Variants in NSFL1C observed in about 807,000 individuals in gnomAD.
NSFL1C encodes NSFL1 cofactor.
A neutral mutation model predicts 43.1 loss-of-function variants in NSFL1C; 14 were observed. That is an observed-to-expected ratio of 0.32 (90% CI 0.21 to 0.51). The LOEUF (loss-of-function observed/expected upper bound fraction) is 0.51. Among genes scored for constraint, NSFL1C ranks in the 20% least tolerant of loss-of-function variants. The pLI is 0.98. For synonymous variants in NSFL1C, 171 were observed against 183.5 expected (o/e 0.93, Z 0.55); for missense variants, 406 against 472.5 (o/e 0.86, Z 1.30).
chr20:1,466,686 G>A (rs1402140009), intron 1 of NSFL1C, 34 bp downstream of exon 1: 2 of 1,523,518 alleles, frequency 1.3e-6, no homozygotes, highest in Admixed American at 3.9e-5. Flanking sequence ...AGCAGTCCCC[G>A]GCCCACCCGA....
At chr20:1,461,047 T>C (rs758251905) in intron 2 of NSFL1C, among the ~76,000 whole-genome samples, 2 of 152,134 alleles carry the variant, frequency 1.3e-5, no homozygotes, top group African/African-American at 2.4e-5. Flanking sequence ...TTCTAAGAAT[T>C]AGCATCCTGA....
At chr20:1,454,934 C>T in intron 4 of NSFL1C, 33 bp downstream of exon 4, 1 of 1,598,564 alleles carries the variant, frequency 6.3e-7, no homozygotes, top group South Asian at 1.1e-5. Context: ...GAATCTCAGT[C>T]CTGTGGGCAC....
At chr20:1,444,914 C>T (rs1247502986) in intron 8 of NSFL1C, among the ~76,000 whole-genome samples, 1 of 152,208 alleles carries the variant, frequency 6.6e-6, no homozygotes, top group Non-Finnish European at 1.5e-5. Flanking sequence ...GGGCTTGTCT[C>T]CCGCTGTCAC....
rs1349379757 is a variant in NSFL1C, at chr20:1,455,009, C to CACAGCT, written c.396_401dup (p.Ala133_Val134dup). On this transcript the variant is annotated inframe_insertion, in exon 4 of 9. Transcript: ENST00000216879. ...CTCCAGGGCTCTTGGTCACTCGCTC[C>CACAGCT]ACAGCTACAGCTCCATGCTCTTTGG... 6.2e-7 allele frequency: 1 copy of CACAGCT among 1,614,020 alleles called. No individual in the cohort carries two copies. Among genetic ancestry groups the CACAGCT allele is most frequent in the Admixed American group, 1.7e-5 (1 of 60,002 alleles).
chr20:1,458,207 C>T lies in NSFL1C; in HGVS notation c.271G>A (p.Gly91Ser), dbSNP rs999338985. ...DQDEDEEEEE[G>S]QRFYAGGSER... ...CCCCTCTAGAAGACTCACCTCTGGC[C>T]TTCCTCTTCCTCCTCATCTTCATCT... The change falls in exon 3 of 9, where the codon GGC becomes AGC. Residue 91 changes from glycine (G) to serine (S), a missense_variant. Physicochemically the swap from Gly to Ser is moderately conservative, Grantham distance 56. Transcript: ENST00000216879. 1 of 1,613,510 alleles carries T rather than the reference C, an allele frequency of 6.2e-7. No individual in the cohort carries two copies. The highest frequency in any genetic ancestry group is 1.3e-5 in the African/African-American group (1 of 74,884).
intron 3 of NSFL1C, 65 bp from the exon 4 acceptor site, chr20:1,455,197 G>A (rs1244146443): frequency 1.3e-6 from 2 of 1,585,154 alleles, no homozygotes; most frequent in Admixed American, 1.7e-5. Flanking sequence ...CATGTGCCAG[G>A]TTGGTGCTGG....
At chr20:1,457,847 T>A in intron 3 of NSFL1C, 1 of 209,016 alleles carries the variant, frequency 4.8e-6, no homozygotes, top group Non-Finnish European at 9.7e-6. Flanking sequence ...CTTATGCTGA[T>A]CCATAACTTC....
At chr20:1,465,089 G>C (rs912379276) in intron 1 of NSFL1C, among the ~76,000 whole-genome samples, 18 of 152,136 alleles carry the variant, frequency 1.2e-4, no homozygotes, top group African/African-American at 3.6e-4. Context: ...ATGCATACTC[G>C]CATCTTAGGT....
chr20:1,458,174 C>G (rs2090340485), intron 3 of NSFL1C, 26 bp downstream of exon 3: 1 of 1,591,608 alleles, frequency 6.3e-7, no homozygotes, highest in Non-Finnish European at 8.6e-7. Context: ...GTGAACTGTC[C>G]CCCTGACCCC....
At chr20:1,453,187 C>T in intron 5 of NSFL1C, 47 bp from the exon 6 acceptor site, 1 of 1,087,902 alleles carries the variant, frequency 9.2e-7, no homozygotes. Flanking sequence ...GGCAAGCATA[C>T]CAATTTGAAC....
chr20:1,466,458 G>A (rs1230241471), intron 1 of NSFL1C, among the ~76,000 whole-genome samples: 1 of 152,212 alleles, frequency 6.6e-6, no homozygotes, highest in Non-Finnish European at 1.5e-5. Flanking sequence ...GGCTGCCGCA[G>A]CGCCCGAAGT....
At chr20:1,443,968 C>T in intron 8 of NSFL1C, 57 bp from the exon 9 acceptor site, 2 of 1,545,558 alleles carry the variant, frequency 1.3e-6, no homozygotes, top group Non-Finnish European at 1.8e-6. Flanking sequence ...ATACCCCTGC[C>T]CTGTGGAAAG....
chr20:1,456,773 A>G (rs1342253564), intron 3 of NSFL1C: 8 of 152,242 alleles, frequency 5.3e-5, no homozygotes, highest in Admixed American at 5.2e-4. Flanking sequence ...CTATCCTAAA[A>G]AAAATCTGAA....
At position 1,443,801 on chromosome 20, in the gene NSFL1C, G is replaced by T; in HGVS notation, c.1061C>A (p.Thr354Asn). ...ATTGAGCAGGTTGGCTTCCTTCAGGGTCTGGCTCTCATCAGCCAGCTCTTT... is the reference window on the plus strand; with the variant it reads ...ATTGAGCAGGTTGGCTTCCTTCAGGTTCTGGCTCTCATCAGCCAGCTCTTT... ...PNKELADESQ[T>N]LKEANLLNAV... The change falls in exon 9 of 9, where the codon ACC becomes AAC. Residue 354 changes from threonine to asparagine, a missense_variant. Thr to Asn is a moderately conservative substitution (Grantham distance 65). Coordinates refer to ENST00000216879, the MANE Select transcript of NSFL1C (RefSeq NM_016143.5). The T allele has an allele frequency of 5.0e-6, 8 of 1,614,174 alleles. No individual in the cohort carries two copies. The highest frequency in any genetic ancestry group is 5.9e-6 in the Non-Finnish European group (7 of 1,180,030).
At chr20:1,453,677 G>T (rs1392823726) in intron 5 of NSFL1C, among the ~76,000 whole-genome samples, 2 of 152,058 alleles carry the variant, frequency 1.3e-5, no homozygotes, top group South Asian at 4.1e-4. Flanking sequence ...AACCCAAAAT[G>T]ATTTAAAACA....
chr20:1,457,787 C>G (rs2090332121), intron 3 of NSFL1C, among the ~76,000 whole-genome samples: 1 of 152,204 alleles, frequency 6.6e-6, no homozygotes, highest in African/African-American at 2.4e-5. Flanking sequence ...AGTATTCCTA[C>G]TGTGTATATA....
rs773905615 is a variant in NSFL1C, at chr20:1,453,036, G to A, written c.642C>T (p.Arg214=). 1.9e-6 allele frequency: 3 copies of A among 1,597,182 alleles called. No individual in the cohort carries two copies. The highest frequency in any genetic ancestry group is 2.2e-5 in the East Asian group (1 of 44,820). ...AGGAGGGCTTTTTCACTCACCCTCTGCGGATAGACTCCAGAAACTGGGCAT... is the reference window on the plus strand; with the variant it reads ...AGGAGGGCTTTTTCACTCACCCTCTACGGATAGACTCCAGAAACTGGGCAT... The part of the protein sequence containing the change: ...PSNAQFLESI[R]RGEVPAELRR... Residue 214 remains arginine (R), a synonymous_variant, in exon 6 of 9, where the codon CGC becomes CGT. Transcript: ENST00000216879.
At chr20:1,446,565 A>G (rs557928579) in intron 7 of NSFL1C, among the ~76,000 whole-genome samples, 7 of 152,362 alleles carry the variant, frequency 4.6e-5, no homozygotes, top group African/African-American at 7.2e-5. Context: ...CTTAGTTTCA[A>G]CAAAGGTAGT....
chr20:1,445,492 GA>G (rs999448275), intron 8 of NSFL1C, among the ~76,000 whole-genome samples, 173 bp downstream of exon 8: 8 of 152,182 alleles, frequency 5.3e-5, no homozygotes, highest in African/African-American at 1.7e-4. Context: ...GAAGAGTGGG[GA>G]CCAGAACTTA....
Sources: gnomAD v4.1 joint callset for allele counts (sites outside exome capture counted in the v4.1 genomes callset) on GRCh38, gnomAD v4.1.1 for gene constraint, MANE v1.5 for transcripts, NCBI Gene and HGNC (gene_info 2026-07-23, HGNC 2026-07-21) for gene names.